Variants in POU2F1 observed in about 807,000 individuals in gnomAD.
The protein encoded by POU2F1 is POU class 2 homeobox 1.
POU2F1 carries 16 observed loss-of-function variants against 84.9 expected under a neutral mutation model. The observed-to-expected ratio is 0.19, with a 90% confidence interval of 0.13 to 0.29. POU2F1 has a LOEUF of 0.29. Ranked by LOEUF, POU2F1 falls within the 10% of genes least tolerant of loss-of-function variation. The pLI, the probability that POU2F1 is intolerant of heterozygous loss-of-function variation, is 1.00. For synonymous variants in POU2F1, 368 were observed against 368.3 expected (o/e 1.00, Z 0.01); for missense variants, 738 against 942.6 (o/e 0.78, Z 2.84).
chr1:167,327,396 GTCTC>G (rs1300058996), intron 1 of POU2F1, among the ~76,000 whole-genome samples: 5 of 152,186 alleles, frequency 3.3e-5, no homozygotes, highest in Non-Finnish European at 7.3e-5. Flanking sequence ...CTCCCCCAAA[GTCTC>G]TCCTCATAAG....
intron 1 of POU2F1, among the ~76,000 whole-genome samples, chr1:167,266,659 C>G (rs1651984534): frequency 7.0e-6 from 1 of 141,996 alleles, no homozygotes; most frequent in South Asian, 2.2e-4. Flanking sequence ...GAGTCTCGCT[C>G]TGTTGCCAGG....
intron 1 of POU2F1, among the ~76,000 whole-genome samples, chr1:167,226,296 GCTTA>G (rs550222506): frequency 1.8e-4 from 27 of 152,098 alleles, no homozygotes; most frequent in South Asian, 8.3e-4. Flanking sequence ...TCACCATTTT[GCTTA>G]CTTCTTACTG....
chr1:167,221,856 T>G (rs1648226340), intron 1 of POU2F1, among the ~76,000 whole-genome samples: 1 of 151,500 alleles, frequency 6.6e-6, no homozygotes, highest in Non-Finnish European at 1.5e-5. Flanking sequence ...AAGGAGTCCT[T>G]GGGGCAAGTT....
rs1291484925 is a variant in POU2F1 at position 167,419,438 on chromosome 1, C to T, written c.*3628C>T. ...ATTTATAGTGAATACTATGTATGCC[C>T]ATGGTAATGGGTCCTCCCTAAGGAG... On this transcript the variant is annotated 3_prime_UTR_variant, in exon 16 of 16. Transcript: ENST00000367866. 2 of 152,024 alleles carry T rather than the reference C, an allele frequency of 1.3e-5. No homozygotes were observed. The highest frequency in any genetic ancestry group is 6.5e-5 in the Admixed American group (1 of 15,270). 9.4% of individuals were successfully genotyped at this position (152,024 alleles called of 1,614,324 possible).
At chr1:167,317,739 G>A (rs527482880) in intron 1 of POU2F1, among the ~76,000 whole-genome samples, 19 of 152,306 alleles carry the variant, frequency 1.2e-4, no homozygotes, top group South Asian at 6.2e-4. Flanking sequence ...ACAACCTTCA[G>A]CATTGGCATC....
intron 1 of POU2F1, among the ~76,000 whole-genome samples, chr1:167,329,511 G>A (rs1437453665): frequency 6.6e-6 from 1 of 152,124 alleles, no homozygotes; most frequent in Non-Finnish European, 1.5e-5. Flanking sequence ...TAGCTCTTCT[G>A]ATTCAGAGGG....
chr1:167,279,055 G>A (rs1474447300), intron 1 of POU2F1, among the ~76,000 whole-genome samples: 1 of 152,158 alleles, frequency 6.6e-6, no homozygotes, highest in African/African-American at 2.4e-5. Flanking sequence ...GTGTCTCCAT[G>A]TTCTTCCATT....
In POU2F1 at chr1:167,394,985, T is replaced by C. The variant is rs368811516; in HGVS notation, c.988-1301T>C. ...TTCAAACAAGTGTTGCCAGGATAGT[T>C]GAGAGTTGGCTGTCTCATAGTAGGA... On this transcript the variant is annotated intron_variant, in intron 9 of 15. Transcript: ENST00000367866. 3.3e-5 allele frequency among the ~76,000 whole-genome samples: 5 copies of C among 152,318 alleles called. No homozygotes were observed. The East Asian group carries it at 7.7e-4, about 23-fold the overall frequency.
chr1:167,414,336 AT>A, intron 15 of POU2F1: 1 of 985,364 alleles, frequency 1.0e-6, no homozygotes, highest in Non-Finnish European at 1.2e-6. Context: ...TCCCTAGGGC[AT>A]GATTGACACT....
At chr1:167,386,468 G>C (rs997388395) in intron 8 of POU2F1, among the ~76,000 whole-genome samples, 10 of 152,194 alleles carry the variant, frequency 6.6e-5, no homozygotes, top group African/African-American at 2.4e-4. Context: ...TGACAGGCGT[G>C]AGCCACCGCA....
intron 15 of POU2F1, among the ~76,000 whole-genome samples, chr1:167,414,969 GT>G (rs1467857327): frequency 6.6e-6 from 1 of 152,154 alleles, no homozygotes; most frequent in Non-Finnish European, 1.5e-5. Context: ...TGGTGGCGTG[GT>G]TTCTGGATGA....
chr1:167,313,153 A>G lies in POU2F1; in HGVS notation c.62-19317A>G, dbSNP rs1655620473. 2.0e-5 allele frequency among the ~76,000 whole-genome samples: 3 copies of G among 152,372 alleles called. No individual in the cohort carries two copies. The South Asian group carries it at 6.2e-4, about 32-fold the overall frequency. On this transcript the variant is annotated intron_variant, in intron 1 of 15. Coordinates refer to ENST00000367866, the MANE Select transcript of POU2F1 (RefSeq NM_002697.4). Reference sequence around the variant, plus strand: ...GTACAGGAAGTGCGTGCTGAGAACCACAAAATGCTGATGAGAGAAATCAAG... The same window carrying G: ...GTACAGGAAGTGCGTGCTGAGAACCGCAAAATGCTGATGAGAGAAATCAAG...
intron 1 of POU2F1, chr1:167,329,348 G>GA: frequency 6.5e-7 from 1 of 1,537,240 alleles, no homozygotes; most frequent in Non-Finnish European, 8.8e-7. Flanking sequence ...CTTTAATATG[G>GA]AAATAGAGTG....
chr1:167,324,674 G>T (rs979289911), intron 1 of POU2F1, among the ~76,000 whole-genome samples: 2 of 151,914 alleles, frequency 1.3e-5, no homozygotes, highest in Non-Finnish European at 2.9e-5. Flanking sequence ...ACCATACCTC[G>T]GCTCTCTGTT....
intron 10 of POU2F1, 147 bp downstream of exon 10, chr1:167,396,574 A>C (rs1206119599): frequency 1.3e-6 from 1 of 749,844 alleles, no homozygotes; most frequent in Non-Finnish European, 2.1e-6. Flanking sequence ...ATTATAAATT[A>C]TGGTGATATA....
At chr1:167,409,929 A>T (rs1347011888) in intron 13 of POU2F1, among the ~76,000 whole-genome samples, 1 of 152,234 alleles carries the variant, frequency 6.6e-6, no homozygotes, top group Non-Finnish European at 1.5e-5. Context: ...TGGAAGAGAA[A>T]TAAAAGATGT....
In POU2F1 at chr1:167,417,575, T is replaced by C. The variant is rs1308709274; in HGVS notation, c.*1765T>C. ...AAAGACTGGATCACTGCAGTGCAGC[T>C]CATCTAAGTTCCCCTTCTTATTGGA... On this transcript the variant is annotated 3_prime_UTR_variant, in exon 16 of 16. Transcript: ENST00000367866. 6.6e-6 allele frequency: 1 copy of C among 152,214 alleles called. No homozygotes were observed. Among genetic ancestry groups the C allele is most frequent in the Non-Finnish European group, 1.5e-5 (1 of 68,050 alleles). The allele number at this position is 152,214 out of a possible 1,614,324, so 9.4% of individuals were successfully genotyped here.
chr1:167,329,963 A>G (rs1478223992), intron 1 of POU2F1, among the ~76,000 whole-genome samples: 1 of 152,200 alleles, frequency 6.6e-6, no homozygotes, highest in Non-Finnish European at 1.5e-5. Context: ...TTTTCTCTGT[A>G]GAACAGCAAG....
intron 1 of POU2F1, among the ~76,000 whole-genome samples, chr1:167,290,241 A>T (rs1283989933): frequency 6.6e-6 from 1 of 152,058 alleles, no homozygotes; most frequent in East Asian, 1.9e-4. Flanking sequence ...AAATACAAAA[A>T]TCAGCCCAGT....
Sources: gnomAD v4.1 joint callset for allele counts (sites outside exome capture counted in the v4.1 genomes callset) on GRCh38, gnomAD v4.1.1 for gene constraint, MANE v1.5 for transcripts, NCBI Gene and HGNC (gene_info 2026-07-23, HGNC 2026-07-21) for gene names.